The following THAP12 variants were observed in gnomAD, a reference collection of about 807,000 sequenced individuals.
THAP12 encodes the protein THAP domain containing 12.
In THAP12, 20 loss-of-function variants were observed where a neutral mutation model predicts 63.0. The observed-to-expected ratio is 0.32, with a 90% confidence interval of 0.22 to 0.46. The LOEUF (loss-of-function observed/expected upper bound fraction) is 0.46, where lower values mean the gene tolerates loss of function less well. Among genes scored for constraint, THAP12 ranks in the 20% least tolerant of loss-of-function variants. The pLI, the probability that THAP12 is intolerant of heterozygous loss-of-function variation, is 1.00. For synonymous variants in THAP12, 264 were observed against 328.4 expected, an observed-to-expected ratio of 0.80 and a Z score of 2.12; for missense variants, 568 against 908.2, an observed-to-expected ratio of 0.63 and a Z score of 4.81.
At chr11:76,374,878 C>G (rs148626373) in intron 1 of THAP12, among the ~76,000 whole-genome samples, 1 of 152,126 alleles carries the variant, frequency 6.6e-6, no homozygotes, top group African/African-American at 2.4e-5. Context: ...TGACTTAGGT[C>G]ATGACGGGGA....
intron 1 of THAP12, among the ~76,000 whole-genome samples, chr11:76,372,746 T>C (rs1946683210): frequency 6.6e-6 from 1 of 151,952 alleles, no homozygotes; most frequent in African/African-American, 2.4e-5. Flanking sequence ...ATTAGTCAAG[T>C]GTGGTGGCGT....
intron 1 of THAP12, among the ~76,000 whole-genome samples, chr11:76,376,947 C>T (rs752083922): frequency 9.9e-5 from 15 of 152,240 alleles, no homozygotes; most frequent in African/African-American, 3.4e-4. Flanking sequence ...AGGAAGATAA[C>T]GCATAATGGG....
intron 2 of THAP12, among the ~76,000 whole-genome samples, chr11:76,361,764 C>A (rs1224584095): frequency 6.6e-6 from 1 of 152,134 alleles, no homozygotes; most frequent in African/African-American, 2.4e-5. Context: ...TTAACACTGT[C>A]TTAAGTAATA....
chr11:76,364,316 T>A (rs1299300913), intron 2 of THAP12: 1 of 295,516 alleles, frequency 3.4e-6, no homozygotes, highest in African/African-American at 2.3e-5. Context: ...GTGATTAAAC[T>A]GTTGAACCGG....
chr11:76,358,490 C>T (rs549240485), intron 3 of THAP12: 1 of 152,056 alleles, frequency 6.6e-6, no homozygotes, highest in Non-Finnish European at 1.5e-5. Flanking sequence ...GCAATGAAAG[C>T]ATGTGATAAG....
intron 1 of THAP12, among the ~76,000 whole-genome samples, chr11:76,376,700 T>C (rs1590808068): frequency 6.9e-6 from 1 of 145,972 alleles, no homozygotes; most frequent in East Asian, 2.1e-4. Context: ...ATGATAAAAG[T>C]CACTATTATT....
Position 76,380,815 on chromosome 11 carries a change from G to C in THAP12, c.22C>G (p.Pro8Ala). 6.9e-7 allele frequency: 1 copy of C among 1,451,392 alleles called. No homozygotes were observed. Among genetic ancestry groups the C allele is most frequent in the South Asian group, 1.3e-5 (1 of 75,284 alleles). The allele number at this position is 1,451,392 out of a possible 1,614,324, so 89.9% of individuals were successfully genotyped here. ...TGCGTGCTCTTCCGCGTGCAGTTGG[G>C]GGCAGCGCAGAAGTTCGGCATCGTC... is the stretch of plus-strand genomic sequence containing the variant. The part of the protein sequence containing the change: MPNFCAA[P>A]NCTRKSTQSD... The change falls in exon 1 of 5, where the codon CCC (proline) becomes GCC (alanine). Residue 8 changes from proline (P) to alanine (A), a missense_variant. Pro to Ala is a conservative substitution (Grantham distance 27). Coordinates refer to ENST00000260045, the MANE Select transcript of THAP12 (RefSeq NM_004705.4).
intron 1 of THAP12, among the ~76,000 whole-genome samples, chr11:76,377,885 T>C (rs1246935782): frequency 2.0e-5 from 3 of 152,268 alleles, no homozygotes; most frequent in Non-Finnish European, 4.4e-5. Context: ...TTATATCTTC[T>C]GTTTAAAGAA....
intron 1 of THAP12, among the ~76,000 whole-genome samples, chr11:76,366,638 G>A (rs934543245): frequency 3.4e-4 from 51 of 151,212 alleles, no homozygotes; most frequent in African/African-American, 1.2e-3. Flanking sequence ...CCGAGATTGC[G>A]CCACTGCACT....
chr11:76,376,318 C>T (rs1278168593), intron 1 of THAP12, among the ~76,000 whole-genome samples: 3 of 152,148 alleles, frequency 2.0e-5, no homozygotes, highest in Non-Finnish European at 4.4e-5. Flanking sequence ...AAAAGAAATT[C>T]ATGATTTGGT....
Position 76,354,321 on chromosome 11 carries a change from T to C in THAP12, c.355+1297A>G, listed in dbSNP as rs536098018. Reference sequence around the variant, plus strand: ...TTCATTATATGTGACACAGCAGTGGTTCTATACTAGGGAGGCTTCCCAAGC... The same window carrying C: ...TTCATTATATGTGACACAGCAGTGGCTCTATACTAGGGAGGCTTCCCAAGC... On this transcript the variant is annotated intron_variant, in intron 4 of 4. Coordinates refer to ENST00000260045, the MANE Select transcript of THAP12 (RefSeq NM_004705.4). Among the ~76,000 whole-genome samples the C allele has an allele frequency of 1.4e-4, 21 of 152,306 alleles. No homozygotes were observed. In the East Asian group the frequency reaches 2.7e-3, roughly 20 times the overall value.
intron 4 of THAP12, among the ~76,000 whole-genome samples, chr11:76,353,356 C>A (rs1457016599): frequency 6.6e-6 from 1 of 152,168 alleles, no homozygotes; most frequent in African/African-American, 2.4e-5. Flanking sequence ...ACTTGACAAA[C>A]AAGGACACTA....
chr11:76,367,855 G>A (rs2134510175), intron 1 of THAP12, among the ~76,000 whole-genome samples: 1 of 151,878 alleles, frequency 6.6e-6, no homozygotes, highest in African/African-American at 2.4e-5. Context: ...AAGGTAAAAT[G>A]CTATGATTTT....
intron 3 of THAP12, among the ~76,000 whole-genome samples, chr11:76,360,308 A>G (rs1946589945): frequency 1.3e-5 from 2 of 152,220 alleles, no homozygotes; most frequent in South Asian, 4.1e-4. Context: ...TAATGGTAAT[A>G]GTGGGTGAAG....
chr11:76,373,823 A>G (rs1417730413), intron 1 of THAP12, among the ~76,000 whole-genome samples: 2 of 152,188 alleles, frequency 1.3e-5, no homozygotes, highest in East Asian at 1.9e-4. Context: ...TGAGGACTCC[A>G]AAGATCTTTT....
intron 3 of THAP12, 75 bp from the exon 4 acceptor site, chr11:76,355,729 C>A: frequency 8.1e-7 from 1 of 1,232,826 alleles, no homozygotes; most frequent in Non-Finnish European, 1.1e-6. Context: ...ATCTTAGACT[C>A]ACAAATACAA....
In THAP12 at chr11:76,381,033, G is replaced by C. The variant is rs557523834; in HGVS notation, c.-197C>G. ...GGTCCGAGGCCGGGCTGGGGACGCG[G>C]CTCCACAGTGCTGTGAGCGGCCGGG... On this transcript the variant is annotated 5_prime_UTR_variant, in exon 1 of 5. Transcript: ENST00000260045. The C allele has an allele frequency of 1.3e-5, 3 of 233,034 alleles. No homozygotes were observed. The highest frequency in any genetic ancestry group is 2.4e-5 in the Non-Finnish European group (3 of 122,910). 14.4% of individuals were successfully genotyped at this position (233,034 alleles called of 1,614,324 possible).
intron 1 of THAP12, chr11:76,368,703 G>A (rs1245620146): frequency 1.3e-5 from 2 of 152,108 alleles, no homozygotes; most frequent in Non-Finnish European, 1.5e-5. Flanking sequence ...CGAGTCAGCT[G>A]AATATCTACA....
At chr11:76,370,552 C>A (rs946206772) in intron 1 of THAP12, among the ~76,000 whole-genome samples, 23 of 151,988 alleles carry the variant, frequency 1.5e-4, no homozygotes, top group African/African-American at 5.6e-4. Context: ...TTTGTAGAGA[C>A]GGGGTTTCAC....
Sources: gnomAD v4.1 joint callset for allele counts (sites outside exome capture counted in the v4.1 genomes callset) on GRCh38, gnomAD v4.1.1 for gene constraint, MANE v1.5 for transcripts, NCBI Gene and HGNC (gene_info 2026-07-23, HGNC 2026-07-21) for gene names.